The following CADPS variants were observed in gnomAD, a reference collection of about 807,000 sequenced individuals.
CADPS encodes calcium dependent secretion activator, also known as calcium-dependent secretion activator 1.
In CADPS, 57 loss-of-function variants were observed where a neutral mutation model predicts 167.3. The ratio of observed to expected loss-of-function variants is 0.34; its 90% CI spans 0.28 to 0.42. The LOEUF (loss-of-function observed/expected upper bound fraction) is 0.42, where lower values mean the gene tolerates loss of function less well. CADPS is among the 20% of genes least tolerant of loss of function. CADPS has a pLI of 1.00. For synonymous variants in CADPS, 676 were observed against 635.3 expected (o/e 1.06, Z -0.96); for missense variants, 1,414 against 1,738.1 (o/e 0.81, Z 3.32).
At chr3:62,428,926 A>C (rs2053355798) in intron 28 of CADPS, among the ~76,000 whole-genome samples, 1 of 152,214 alleles carries the variant, frequency 6.6e-6, no homozygotes. Context: ...AGCACTCTAC[A>C]ACAAAGAATT....
At position 62,438,174 on chromosome 3, in the gene CADPS, A is replaced by G. The variant is rs749452981; in HGVS notation, c.3707T>C (p.Phe1236Ser). 2 of 1,613,778 alleles carry G rather than the reference A, an allele frequency of 1.2e-6. No individual in the cohort carries two copies. The highest frequency in any genetic ancestry group is 8.5e-7 in the Non-Finnish European group (1 of 1,179,726). Residue 1236 changes from phenylalanine (F) to serine (S), a missense_variant, in exon 28 of 30, where the codon TTC becomes TCC. Transcript: ENST00000383710. The surrounding 1 kb of genome is among the most constrained non-coding windows in gnomAD (Gnocchi z 4.7). The part of the protein sequence containing the change: ...GMDVADAYVT[F>S]VRHSQDVLRD... ...CAGGACATCCTGAGAATGGCGGACG[A>G]AAGTCACGTAGGCGTCGGCCACGTC...
chr3:62,647,236 A>G (rs1213146037), intron 5 of CADPS, among the ~76,000 whole-genome samples: 2 of 152,252 alleles, frequency 1.3e-5, no homozygotes, highest in Non-Finnish European at 2.9e-5. Context: ...AAAAATGAAT[A>G]CTTCCTTAGT....
At chr3:62,482,943 T>C (rs930964764) in intron 21 of CADPS, among the ~76,000 whole-genome samples, 8 of 152,096 alleles carry the variant, frequency 5.3e-5, no homozygotes, top group Non-Finnish European at 8.8e-5. Flanking sequence ...GTTTTATAAG[T>C]AGAGGGAGAA....
intron 6 of CADPS, among the ~76,000 whole-genome samples, chr3:62,598,630 C>T (rs2059259208): frequency 1.3e-5 from 2 of 152,194 alleles, no homozygotes; most frequent in Non-Finnish European, 2.9e-5. Flanking sequence ...GCCTCTTGGA[C>T]ATCCTGTGAA....
At chr3:62,596,148 C>G (rs144933794) in intron 6 of CADPS, among the ~76,000 whole-genome samples, 1,992 of 142,438 alleles carry the variant, frequency 0.014, 38 homozygotes, top group African/African-American at 0.05. Context: ...CACACATATC[C>G]TATTAGTTTT....
At chr3:62,666,712 T>G (rs567211180) in intron 3 of CADPS, among the ~76,000 whole-genome samples, 1 of 152,298 alleles carries the variant, frequency 6.6e-6, no homozygotes, top group Non-Finnish European at 1.5e-5. Context: ...CCCAGCACTG[T>G]GTAAGTGTAG....
At chr3:62,590,392 C>G (rs1289627999) in intron 7 of CADPS, among the ~76,000 whole-genome samples, 1 of 152,110 alleles carries the variant, frequency 6.6e-6, no homozygotes, top group East Asian at 1.9e-4. Flanking sequence ...CAGGATAATT[C>G]TTCCACTCTA....
chr3:62,529,834 G>A (rs189531541), intron 13 of CADPS, among the ~76,000 whole-genome samples: 1 of 152,210 alleles, frequency 6.6e-6, no homozygotes, highest in East Asian at 1.9e-4. Context: ...GAGAATTTTG[G>A]GTAGCTTGGC....
chr3:62,492,188 G>T, intron 20 of CADPS, 102 bp downstream of exon 20: 1 of 943,750 alleles, frequency 1.1e-6, no homozygotes, highest in South Asian at 1.6e-5. Flanking sequence ...AAACCATGAA[G>T]AGCTATGTCA....
intron 6 of CADPS, among the ~76,000 whole-genome samples, chr3:62,607,062 C>A (rs1182467723): frequency 1.3e-5 from 2 of 152,234 alleles, no homozygotes; most frequent in Non-Finnish European, 2.9e-5. Context: ...ACCTCTTTAT[C>A]TGTTAATCAC....
intron 17 of CADPS, among the ~76,000 whole-genome samples, chr3:62,510,932 C>G (rs921320019): frequency 6.6e-6 from 1 of 152,178 alleles, no homozygotes; most frequent in Non-Finnish European, 1.5e-5. Context: ...AAAAGCTTCA[C>G]TATACCAAGC....
intron 3 of CADPS, among the ~76,000 whole-genome samples, chr3:62,731,805 CA>C (rs1212456893): frequency 0.041 from 1,110 of 27,132 alleles, 9 homozygotes; most frequent in African/African-American, 0.13. Context: ...TGATCATATG[CA>C]AAAAAAAAAA....
chr3:62,590,692 G>A (rs973452246), intron 7 of CADPS, among the ~76,000 whole-genome samples: 1 of 152,038 alleles, frequency 6.6e-6, no homozygotes, highest in Non-Finnish European at 1.5e-5. Context: ...TGCTGGCATC[G>A]TTAGGTGTGT....
intron 26 of CADPS, among the ~76,000 whole-genome samples, chr3:62,451,429 G>C (rs1039343405): frequency 2.6e-5 from 4 of 151,658 alleles, no homozygotes; most frequent in Admixed American, 2.6e-4. Context: ...CCCAGGTGCA[G>C]ACCACGAGGA....
At chr3:62,547,263 T>C (rs1027726726) in intron 11 of CADPS, among the ~76,000 whole-genome samples, 13 of 152,228 alleles carry the variant, frequency 8.5e-5, no homozygotes, top group Admixed American at 4.6e-4. Context: ...ATTTATTACA[T>C]GGCCACTGTG....
At chr3:62,699,039 A>G (rs1345928027) in intron 3 of CADPS, among the ~76,000 whole-genome samples, 1 of 151,554 alleles carries the variant, frequency 6.6e-6, no homozygotes, top group African/African-American at 2.4e-5. Flanking sequence ...TTTCATGGGG[A>G]TTTCTGAAAT....
At chr3:62,550,552 C>T (rs771637110) in intron 10 of CADPS, among the ~76,000 whole-genome samples, 7 of 152,104 alleles carry the variant, frequency 4.6e-5, no homozygotes, top group Non-Finnish European at 1.0e-4. Context: ...CATACGAACC[C>T]CCTGGGCATG....
At chr3:62,839,270 C>G (rs978761975) in intron 1 of CADPS, among the ~76,000 whole-genome samples, 1 of 152,122 alleles carries the variant, frequency 6.6e-6, no homozygotes, top group East Asian at 1.9e-4. Flanking sequence ...TCTTAGCTCA[C>G]TGCAACCTCT....
chr3:62,741,759 G>A (rs955346466), intron 3 of CADPS, among the ~76,000 whole-genome samples: 4 of 152,202 alleles, frequency 2.6e-5, no homozygotes, highest in South Asian at 2.1e-4. Context: ...ACACTGTATC[G>A]GAAGTCTTGG....
Sources: allele counts gnomAD v4.1 joint callset (sites outside exome capture counted in the v4.1 genomes callset), GRCh38; gene constraint gnomAD v4.1.1; non-coding constraint Gnocchi (gnomAD v3.1); transcripts MANE v1.5; gene names NCBI Gene and HGNC (gene_info 2026-07-23, HGNC 2026-07-21).